The following OXR1 variants were observed in gnomAD, a reference collection of about 807,000 sequenced individuals.
The protein encoded by OXR1 is oxidation resistance 1, also known as oxidation resistance protein 1.
Under a neutral mutation model 104.6 loss-of-function variants are expected in OXR1, and 41 were observed. The ratio of observed to expected loss-of-function variants is 0.39; its 90% confidence interval spans 0.31 to 0.51. The LOEUF is 0.51. Ranked by LOEUF, OXR1 falls within the 20% of genes least tolerant of loss-of-function variation. The pLI, the probability that OXR1 is intolerant of heterozygous loss-of-function variation, is 0.77. For synonymous variants in OXR1, 348 were observed against 348.4 expected (o/e 1.00, Z 0.01); for missense variants, 955 against 1,031.9 (o/e 0.93, Z 1.02).
rs1013857763 is a variant in OXR1 at position 106,752,123 on chromosome 8, A to G, written c.*1182A>G. 2 of 152,558 alleles carry G rather than the reference A, an allele frequency of 1.3e-5. No individual in the cohort carries two copies. Among genetic ancestry groups the G allele is most frequent in the Non-Finnish European group, 2.9e-5 (2 of 67,948 alleles). 9.5% of individuals were successfully genotyped at this position (152,558 alleles called of 1,614,324 possible). A position where few individuals can be genotyped will look rare whatever the true frequency, so the allele number is the denominator to read the frequency against. On this transcript the variant is annotated 3_prime_UTR_variant, in exon 17 of 17. Transcript: ENST00000517566. ...TCAGTTGATTTTAAAGCTTCATGTT[A>G]TGCAAAAAAGAATCCTGCTGTTATA...
intron 6 of OXR1, among the ~76,000 whole-genome samples, chr8:106,691,383 G>C (rs902692142): frequency 6.6e-6 from 1 of 151,860 alleles, no homozygotes; most frequent in African/African-American, 2.4e-5. Flanking sequence ...GTAAGTTACG[G>C]TGAGGTCTGG....
chr8:106,349,204 T>C (rs1815621966), intron 1 of OXR1, among the ~76,000 whole-genome samples: 1 of 152,186 alleles, frequency 6.6e-6, no homozygotes, highest in East Asian at 1.9e-4. Flanking sequence ...TTTGATCATA[T>C]GATTTTTTGA....
At chr8:106,728,468 C>A (rs1302108005) in intron 11 of OXR1, among the ~76,000 whole-genome samples, 1 of 151,990 alleles carries the variant, frequency 6.6e-6, no homozygotes, top group Non-Finnish European at 1.5e-5. Context: ...TGTGTGTTAA[C>A]CAGATTGTTT....
At chr8:106,481,690 G>T (rs940063377) in intron 2 of OXR1, among the ~76,000 whole-genome samples, 1 of 151,986 alleles carries the variant, frequency 6.6e-6, no homozygotes, top group Non-Finnish European at 1.5e-5. Flanking sequence ...ACTCAATTTT[G>T]CCACCTGTTA....
At chr8:106,330,690 G>A (rs564451205) in intron 1 of OXR1, among the ~76,000 whole-genome samples, 21 of 152,208 alleles carry the variant, frequency 1.4e-4, no homozygotes, top group African/African-American at 4.3e-4. Context: ...TCCCTGTGCC[G>A]GAGAAAACAA....
chr8:106,380,848 G>A (rs1817117344), intron 2 of OXR1, among the ~76,000 whole-genome samples: 1 of 152,086 alleles, frequency 6.6e-6, no homozygotes, highest in Non-Finnish European at 1.5e-5. Context: ...ATATCTTTTA[G>A]ATGCAGGCCC....
chr8:106,620,320 T>A (rs773015973), intron 3 of OXR1, among the ~76,000 whole-genome samples: 8 of 152,232 alleles, frequency 5.3e-5, no homozygotes, highest in Non-Finnish European at 1.2e-4. Context: ...GACAGTTTTT[T>A]TTTCAATCTT....
chr8:106,723,994 C>A (rs1044930135), intron 11 of OXR1, among the ~76,000 whole-genome samples: 1 of 151,710 alleles, frequency 6.6e-6, no homozygotes, highest in Non-Finnish European at 1.5e-5. Context: ...CTGTGTTGCC[C>A]ACGCTGGTCT....
intron 1 of OXR1, among the ~76,000 whole-genome samples, chr8:106,294,521 C>T (rs1011163577): frequency 2.0e-5 from 3 of 151,862 alleles, no homozygotes; most frequent in African/African-American, 7.3e-5. Flanking sequence ...TTCTCAGCTT[C>T]TGGGGAGGAC....
At position 106,586,110 on chromosome 8, in the gene OXR1, C is replaced by T. The variant is rs192806713; in HGVS notation, c.220+66971C>T. On this transcript the variant is annotated intron_variant, in intron 3 of 16. Transcript: ENST00000517566. ...TTTGAGAGACTTGTTCTAACTAGAA[C>T]GTGGAAAACAAATTGTTGGAACATC... Among the ~76,000 whole-genome samples the T allele has an allele frequency of 1.1e-3, 166 of 152,100 alleles. 1 individual carries two copies. The highest frequency in any genetic ancestry group is 1.9e-3 in the Non-Finnish European group (131 of 67,986).
At chr8:106,697,315 G>A (rs1830142053) in intron 7 of OXR1, 4 of 852,030 alleles carry the variant, frequency 4.7e-6, no homozygotes, top group Non-Finnish European at 7.4e-6. Context: ...CACCCTGACA[G>A]AAGGGAGCTT....
At chr8:106,349,935 G>A (rs1257998810) in intron 1 of OXR1, among the ~76,000 whole-genome samples, 2 of 152,188 alleles carry the variant, frequency 1.3e-5, no homozygotes, top group African/African-American at 4.8e-5. Flanking sequence ...CCAGTTGACT[G>A]GTGATGAGAA....
intron 2 of OXR1, among the ~76,000 whole-genome samples, chr8:106,468,814 T>C (rs1298730944): frequency 6.6e-6 from 1 of 151,788 alleles, no homozygotes; most frequent in African/African-American, 2.4e-5. Context: ...AAAGTACATT[T>C]TAGGGATTAC....
chr8:106,577,535 G>A (rs1018787589), intron 3 of OXR1, among the ~76,000 whole-genome samples: 2 of 151,842 alleles, frequency 1.3e-5, no homozygotes, highest in Admixed American at 6.6e-5. Context: ...GACTACAGGT[G>A]CCCGCCACCA....
At chr8:106,680,741 A>G (rs1587067587) in intron 4 of OXR1, among the ~76,000 whole-genome samples, 1 of 152,060 alleles carries the variant, frequency 6.6e-6, no homozygotes, top group Admixed American at 6.5e-5. Flanking sequence ...CTTTTTTTCT[A>G]TCCCTCCCTT....
rs1318214059 is a variant in OXR1, at chr8:106,578,983, CTTTCT to C, written c.220+59848_220+59852del. The stretch of plus-strand genomic sequence containing the variant: ...GACCACCTAGGTAACCTCACTTTTT[CTTTCT>C]TTTTTTTTTTTTTTGCCTAGTATGA... On this transcript the variant is annotated intron_variant, in intron 3 of 16. Transcript: ENST00000517566. Among the ~76,000 whole-genome samples the C allele has an allele frequency of 1.0e-3, 133 of 131,008 alleles. 4 individuals carry two copies. The highest frequency in any genetic ancestry group is 3.3e-3 in the African/African-American group (110 of 33,256). 85.9% of individuals were successfully genotyped at this position (131,008 alleles called of 152,430 possible).
At chr8:106,681,850 G>C (rs1828187794) in intron 4 of OXR1, among the ~76,000 whole-genome samples, 1 of 152,104 alleles carries the variant, frequency 6.6e-6, no homozygotes, top group South Asian at 2.1e-4. Flanking sequence ...ATCGTTTTTA[G>C]AGACTTAACT....
intron 2 of OXR1, among the ~76,000 whole-genome samples, chr8:106,511,275 G>A (rs763032102): frequency 5.9e-4 from 90 of 152,208 alleles, no homozygotes; most frequent in Admixed American, 2.2e-3. Context: ...ATTTGCTCCC[G>A]AAAGCTTATT....
chr8:106,677,759 G>T (rs999418179), intron 3 of OXR1, among the ~76,000 whole-genome samples: 2 of 151,984 alleles, frequency 1.3e-5, no homozygotes, highest in African/African-American at 4.8e-5. Flanking sequence ...GTATGCGCAC[G>T]CGTGTGTGTG....
Sources: allele counts gnomAD v4.1 joint callset (sites outside exome capture counted in the v4.1 genomes callset), GRCh38; gene constraint gnomAD v4.1.1; transcripts MANE v1.5; gene names NCBI Gene and HGNC (gene_info 2026-07-23, HGNC 2026-07-21).